The following LARP7 variants were observed in gnomAD, a reference collection of about 807,000 sequenced individuals.
LARP7 encodes la-related protein 7.
Under a neutral mutation model 69.3 loss-of-function variants are expected in LARP7, and 52 were observed. That is an observed-to-expected ratio of 0.75 (90% CI 0.60 to 0.95). LARP7 has a LOEUF of 0.95. Ranked by LOEUF, LARP7 falls within the 40% of genes least tolerant of loss-of-function variation. The pLI is 0.00. For missense variants in LARP7, 733 were observed against 673.0 expected (o/e 1.09, Z -0.99); for synonymous variants, 254 against 215.9 (o/e 1.18, Z -1.55).
intron 1 of LARP7, among the ~76,000 whole-genome samples, chr4:112,639,437 A>G (rs1051633901): frequency 1.3e-4 from 19 of 151,710 alleles, no homozygotes; most frequent in Admixed American, 3.9e-4. Context: ...TCACCTTGTT[A>G]GCCAGGATGG....
chr4:112,652,658 T>C (rs913857119), intron 10 of LARP7, among the ~76,000 whole-genome samples: 3 of 152,090 alleles, frequency 2.0e-5, no homozygotes, highest in Non-Finnish European at 4.4e-5. Context: ...TTTAAAGTCA[T>C]AGTGATTTTC....
intron 4 of LARP7, 51 bp from the exon 5 acceptor site, chr4:112,646,740 A>T: frequency 6.4e-7 from 1 of 1,553,118 alleles, no homozygotes; most frequent in Non-Finnish European, 8.7e-7. Context: ...TTAAAAATTT[A>T]TTGACATTCT....
chr4:112,647,243 G>C lies in LARP7; in HGVS notation c.691G>C (p.Glu231Gln), dbSNP rs776408557. Residue 231 changes from glutamate to glutamine, a missense_variant, in exon 7 of 13, where the codon GAA (glutamate) becomes CAA (glutamine). Transcript: ENST00000344442. ...KKKKKGRMKK[E>Q]DNIQAKEENM... is the part of the protein sequence containing the mutation. ...GAAGAAGAAAGGCCGAATGAAAAAG[G>C]AAGACAATATCCAAGCCAAAGAAGA... The C allele has an allele frequency of 1.9e-5, 30 of 1,601,636 alleles. No homozygotes were observed. Among genetic ancestry groups the C allele is most frequent in the Admixed American group, 7.1e-5 (4 of 56,278 alleles).
intron 1 of LARP7, among the ~76,000 whole-genome samples, chr4:112,643,398 G>A (rs1010337082): frequency 1.3e-5 from 2 of 152,172 alleles, no homozygotes; most frequent in African/African-American, 2.4e-5. Context: ...AAAAGACCCC[G>A]TTAGACATTG....
chr4:112,651,517 T>A (rs556773310), intron 10 of LARP7, among the ~76,000 whole-genome samples: 1 of 152,162 alleles, frequency 6.6e-6, no homozygotes, highest in Admixed American at 6.5e-5. Context: ...TGCAAAACAT[T>A]TAATACAAAA....
At chr4:112,649,498 A>G in intron 8 of LARP7, 37 bp from the exon 9 acceptor site, 1 of 1,507,862 alleles carries the variant, frequency 6.6e-7, no homozygotes, top group Non-Finnish European at 8.9e-7. Context: ...TACTTTTTAT[A>G]TTTAGTCATC....
At chr4:112,652,991 T>C in intron 10 of LARP7, 86 bp from the exon 11 acceptor site, 1 of 977,394 alleles carries the variant, frequency 1.0e-6, no homozygotes, top group East Asian at 2.7e-5. Context: ...TTACATAATA[T>C]ATTCTGGCAT....
chr4:112,649,498 AT>A, intron 8 of LARP7, 36 bp from the exon 9 acceptor site: 1 of 1,507,860 alleles, frequency 6.6e-7, no homozygotes, highest in South Asian at 1.3e-5. Flanking sequence ...TACTTTTTAT[AT>A]TTAGTCATCT....
Position 112,653,063 on chromosome 4 carries a change from TAACTC to T in LARP7, c.1417-13_1417-9del. 1.3e-6 allele frequency: 2 copies of T among 1,561,854 alleles called. No homozygotes were observed. Among genetic ancestry groups the T allele is most frequent in the Non-Finnish European group, 1.7e-6 (2 of 1,160,748 alleles). ...TTTAAATTTTATTTGTCTTTCTACTTAACTCTAATGCAGGATACTTTGGCAGCAAT... is the reference window on the plus strand; with the variant it reads ...TTTAAATTTTATTTGTCTTTCTACTTTAATGCAGGATACTTTGGCAGCAAT... On this transcript the variant is annotated splice_polypyrimidine_tract_variant and intron_variant, in intron 10 of 12. Transcript: ENST00000344442.
At chr4:112,645,597 C>A (rs184445654) in intron 2 of LARP7, 7 of 455,336 alleles carry the variant, frequency 1.5e-5, no homozygotes, top group African/African-American at 8.0e-5. Flanking sequence ...CTTCTGCCCC[C>A]ACCTCCACCC....
chr4:112,645,948 G>A (rs914931653), intron 2 of LARP7, among the ~76,000 whole-genome samples: 1 of 152,016 alleles, frequency 6.6e-6, no homozygotes, highest in African/African-American at 2.4e-5. Flanking sequence ...ACTAAAATGT[G>A]TCATTTTAGG....
At chr4:112,648,851 C>CTT (rs58275837) in intron 8 of LARP7, 486 of 149,048 alleles carry the variant, frequency 3.3e-3, no homozygotes, top group South Asian at 0.01. Flanking sequence ...GGTCTGGATC[C>CTT]TTTTTTTTTT....
chr4:112,656,231 C>G (rs185580933), intron 12 of LARP7, among the ~76,000 whole-genome samples: 2 of 152,100 alleles, frequency 1.3e-5, no homozygotes, highest in Non-Finnish European at 2.9e-5. Flanking sequence ...ATATTGAAAC[C>G]CTGTCTACTA....
chr4:112,650,876 A>T (rs548647029), intron 10 of LARP7, among the ~76,000 whole-genome samples: 1 of 152,112 alleles, frequency 6.6e-6, no homozygotes, highest in Non-Finnish European at 1.5e-5. Flanking sequence ...TGTATTACCT[A>T]TGTGCTGATT....
rs1200442432 is a variant in LARP7, at chr4:112,653,222, T to C, written c.1562T>C (p.Leu521Pro). 1 of 1,581,352 alleles carries C rather than the reference T, an allele frequency of 6.3e-7. No homozygotes were observed. Among genetic ancestry groups the C allele is most frequent in the South Asian group, 1.2e-5 (1 of 84,276 alleles). The change falls in exon 11 of 13, where the codon CTC becomes CCC. Residue 521 changes from leucine to proline, a missense_variant. Transcript: ENST00000344442. ...ATTAACAAGAAACACTGCTGGAAAC[T>C]CGAGATCCTTTCTGGTAAAACTTCA... Reference protein sequence around the residue: ...TEINKKHCWKLEILSGDHEQR... With the variant: ...TEINKKHCWKPEILSGDHEQR...
At chr4:112,647,880 C>T (rs2048400293) in intron 8 of LARP7, 46 bp downstream of exon 8, 1 of 1,352,940 alleles carries the variant, frequency 7.4e-7, no homozygotes, top group African/African-American at 1.4e-5. Flanking sequence ...CAATCCATCA[C>T]CATTGCTAAA....
chr4:112,649,638 G>A lies in LARP7; in HGVS notation c.1246G>A (p.Glu416Lys), dbSNP rs778066241. 1 of 1,609,018 alleles carries A rather than the reference G, an allele frequency of 6.2e-7. No individual in the cohort carries two copies. Among genetic ancestry groups the A allele is most frequent in the South Asian group, 1.1e-5 (1 of 90,580 alleles). The change falls in exon 9 of 13, where the codon GAA becomes AAA. Residue 416 changes from glutamate to lysine, a missense_variant. By Grantham distance (56) the Glu-to-Lys change is moderately conservative (BLOSUM62 1). Transcript: ENST00000344442. The stretch of plus-strand genomic sequence containing the variant: ...CCAAATAAAATCAGAGTCAGAAATG[G>A]AAACAGACAGTGGAGTACCTCAAAA... ...ISQIKSESEMETDSGVPQNTG... is the reference protein window; with the variant it reads ...ISQIKSESEMKTDSGVPQNTG...
At chr4:112,650,394 C>T (rs1048055894) in intron 9 of LARP7, 67 bp from the exon 10 acceptor site, 10 of 1,477,120 alleles carry the variant, frequency 6.8e-6, no homozygotes, top group Admixed American at 5.7e-5. Context: ...TAAGGTAGTC[C>T]TCCTAAGTAT....
At chr4:112,654,989 G>C (rs182258990) in intron 12 of LARP7, among the ~76,000 whole-genome samples, 87 of 150,174 alleles carry the variant, frequency 5.8e-4, no homozygotes, top group Non-Finnish European at 4.4e-5. Context: ...TGTTGATTTG[G>C]GGTCATATTT....
Sources: gnomAD v4.1 joint callset for allele counts (sites outside exome capture counted in the v4.1 genomes callset) on GRCh38, gnomAD v4.1.1 for gene constraint, MANE v1.5 for transcripts, NCBI Gene and HGNC (gene_info 2026-07-23, HGNC 2026-07-21) for gene names.